The following TSPAN18 variants were observed in gnomAD, a reference collection of about 807,000 sequenced individuals.
The protein encoded by TSPAN18 is tetraspanin 18.
TSPAN18 carries 14 observed loss-of-function variants against 27.3 expected under a neutral mutation model. The ratio of observed to expected loss-of-function variants is 0.51; its 90% confidence interval spans 0.34 to 0.80. The LOEUF (loss-of-function observed/expected upper bound fraction) is 0.80. Ranked by LOEUF, TSPAN18 falls within the 30% of genes least tolerant of loss-of-function variation. The pLI, the probability that TSPAN18 is intolerant of heterozygous loss-of-function variation, is 0.01. For missense variants in TSPAN18, 268 were observed against 323.9 expected (o/e 0.83, Z 1.32); for synonymous variants, 143 against 136.5 (o/e 1.05, Z -0.33).
intron 2 of TSPAN18, among the ~76,000 whole-genome samples, chr11:44,834,935 G>A (rs1370375161): frequency 6.6e-6 from 1 of 152,188 alleles, no homozygotes; most frequent in East Asian, 1.9e-4. Context: ...CCCTGCAGAG[G>A]GCTGCTCTTG....
chr11:44,763,628 C>A (rs1208904448), intron 1 of TSPAN18, among the ~76,000 whole-genome samples: 1 of 151,984 alleles, frequency 6.6e-6, no homozygotes, highest in Non-Finnish European at 1.5e-5. Context: ...GCCTTTTTTT[C>A]AGCCTGAGGA....
chr11:44,740,036 C>T (rs1854894663), intron 1 of TSPAN18, among the ~76,000 whole-genome samples: 1 of 152,204 alleles, frequency 6.6e-6, no homozygotes, highest in Non-Finnish European at 1.5e-5. Flanking sequence ...TCCTGATGTC[C>T]CACCAAATGG....
chr11:44,796,569 C>T (rs1417842760), intron 2 of TSPAN18, among the ~76,000 whole-genome samples: 1 of 152,138 alleles, frequency 6.6e-6, no homozygotes, highest in African/African-American at 2.4e-5. Context: ...CTGCACATAG[C>T]GCCCAGAATG....
intron 3 of TSPAN18, among the ~76,000 whole-genome samples, chr11:44,893,598 GA>G (rs1229576461): frequency 6.6e-5 from 10 of 152,166 alleles, no homozygotes; most frequent in African/African-American, 2.4e-4. Context: ...CCTGACCAAG[GA>G]AAAGATGTGG....
intron 1 of TSPAN18, among the ~76,000 whole-genome samples, chr11:44,752,614 C>G (rs1231453423): frequency 6.6e-6 from 1 of 152,100 alleles, no homozygotes; most frequent in Non-Finnish European, 1.5e-5. Context: ...ACATATATCT[C>G]TATATAAATG....
chr11:44,748,055 C>G (rs1005379341), intron 1 of TSPAN18, among the ~76,000 whole-genome samples: 15 of 152,190 alleles, frequency 9.9e-5, no homozygotes, highest in African/African-American at 3.1e-4. Flanking sequence ...CTCAGCCTCT[C>G]TGGGCCCTGG....
intron 2 of TSPAN18, among the ~76,000 whole-genome samples, chr11:44,850,648 T>G (rs931036844): frequency 2.0e-5 from 3 of 152,166 alleles, no homozygotes; most frequent in African/African-American, 7.2e-5. Flanking sequence ...ACTCTGCACA[T>G]GAGACATATC....
At chr11:44,763,153 C>G (rs1417294672) in intron 1 of TSPAN18, among the ~76,000 whole-genome samples, 1 of 152,192 alleles carries the variant, frequency 6.6e-6, no homozygotes, top group Non-Finnish European at 1.5e-5. Flanking sequence ...TCATCATTAT[C>G]ATTCGAGAGA....
At chr11:44,888,386 A>C (rs1412482829) in intron 3 of TSPAN18, among the ~76,000 whole-genome samples, 1 of 152,174 alleles carries the variant, frequency 6.6e-6, no homozygotes, top group Non-Finnish European at 1.5e-5. Context: ...GGTTCCTGGC[A>C]CACGTGAAGC....
chr11:44,919,571 G>C, intron 7 of TSPAN18: 1 of 608,444 alleles, frequency 1.6e-6, no homozygotes, highest in Non-Finnish European at 2.9e-6. Context: ...CACAGCAACT[G>C]TTTATGGATG....
chr11:44,900,215 A>G (rs1859207894), intron 3 of TSPAN18, among the ~76,000 whole-genome samples: 1 of 152,134 alleles, frequency 6.6e-6, no homozygotes, highest in Admixed American at 6.5e-5. Flanking sequence ...TCTATAGGGG[A>G]TGGAGCAGGC....
intron 2 of TSPAN18, among the ~76,000 whole-genome samples, chr11:44,791,301 G>A (rs1333903972): frequency 6.6e-6 from 1 of 152,200 alleles, no homozygotes; most frequent in Non-Finnish European, 1.5e-5. Context: ...GAGCCAATCT[G>A]CTCCTCCCAC....
intron 2 of TSPAN18, among the ~76,000 whole-genome samples, chr11:44,839,726 G>C (rs563773857): frequency 3.3e-5 from 5 of 152,230 alleles, no homozygotes; most frequent in East Asian, 1.9e-4. Context: ...GCATGCAAGC[G>C]GGGAGGGAGG....
intron 2 of TSPAN18, among the ~76,000 whole-genome samples, chr11:44,805,856 C>T (rs1224092729): frequency 6.6e-6 from 1 of 151,980 alleles, no homozygotes; most frequent in Admixed American, 6.6e-5. Context: ...GCCATCTTCC[C>T]TCTCTCTCTG....
chr11:44,830,794 C>G (rs555259622), intron 2 of TSPAN18, among the ~76,000 whole-genome samples: 2 of 152,322 alleles, frequency 1.3e-5, no homozygotes, highest in Admixed American at 1.3e-4. Context: ...CTGCAGTAAA[C>G]TTCAGCACAC....
rs114630753 is a variant in TSPAN18 at position 44,793,831 on chromosome 11, C to T, written c.-153+29319C>T. Among the ~76,000 whole-genome samples, 204 of 152,334 alleles carry T rather than the reference C, an allele frequency of 1.3e-3. 2 individuals carry two copies. Among genetic ancestry groups the T allele is most frequent in the African/African-American group, 4.7e-3 (196 of 41,580 alleles). The stretch of plus-strand genomic sequence containing the variant: ...TGACAACTGCCCATGAGCTGAGGCC[C>T]TGGAGAGGAGGAGGCTGTGTCTTTA... On this transcript the variant is annotated intron_variant, in intron 2 of 9. Transcript: ENST00000520358.
intron 2 of TSPAN18, among the ~76,000 whole-genome samples, chr11:44,825,023 G>A (rs1371122614): frequency 6.6e-6 from 1 of 152,042 alleles, no homozygotes; most frequent in African/African-American, 2.4e-5. Flanking sequence ...ACAACAATAG[G>A]GGCATGAAGC....
chr11:44,742,167 C>T lies in TSPAN18; in HGVS notation c.-240+14880C>T, dbSNP rs546556950. Among the ~76,000 whole-genome samples, 11 of 152,064 alleles carry T rather than the reference C, an allele frequency of 7.2e-5. No homozygotes were observed. In the South Asian group the frequency reaches 2.3e-3, roughly 32 times the overall value. On this transcript the variant is annotated intron_variant, in intron 1 of 9. Coordinates refer to ENST00000520358, the MANE Select transcript of TSPAN18 (RefSeq NM_130783.5). Reference sequence around the variant, plus strand: ...AAGCATAGCAAGACCTGGCCTTTTCCGTTGTATGGAAATTTTTGCCTGGGA... The same window carrying T: ...AAGCATAGCAAGACCTGGCCTTTTCTGTTGTATGGAAATTTTTGCCTGGGA...
intron 8 of TSPAN18, among the ~76,000 whole-genome samples, chr11:44,922,498 G>C (rs1860181341): frequency 1.3e-5 from 2 of 152,152 alleles, no homozygotes; most frequent in African/African-American, 4.8e-5. Flanking sequence ...GGTTGGGGTG[G>C]GGGTGAGGTG....
Sources: allele counts gnomAD v4.1 joint callset (sites outside exome capture counted in the v4.1 genomes callset), GRCh38; gene constraint gnomAD v4.1.1; transcripts MANE v1.5; gene names NCBI Gene and HGNC (gene_info 2026-07-23, HGNC 2026-07-21).